Variants in DUSP4 observed in about 807,000 individuals in gnomAD.
The protein encoded by DUSP4 is dual specificity phosphatase 4.
DUSP4 carries 12 observed loss-of-function variants against 27.2 expected under a neutral mutation model. The ratio of observed to expected loss-of-function variants is 0.44; its 90% CI spans 0.28 to 0.71. The LOEUF (loss-of-function observed/expected upper bound fraction) is 0.71. Ranked by LOEUF, DUSP4 falls within the 30% of genes least tolerant of loss-of-function variation. DUSP4 has a pLI of 0.14. For synonymous variants in DUSP4, 257 were observed against 245.2 expected (o/e 1.05, Z -0.45); for missense variants, 448 against 551.3 (o/e 0.81, Z 1.88).
At position 29,338,603 on chromosome 8, in the gene DUSP4, A is replaced by G; in HGVS notation, c.580-102T>C. The G allele has an allele frequency of 3.8e-6, 5 of 1,333,090 alleles. No individual in the cohort carries two copies. The South Asian group carries it at 6.8e-5, about 18-fold the overall frequency. 82.6% of individuals were successfully genotyped at this position (1,333,090 alleles called of 1,614,324 possible). On this transcript the variant is annotated intron_variant, in intron 2 of 3. Transcript: ENST00000240100. ...GAGAAGAGCTTTCCTTTCCAAACCC[A>G]GGGAGAATGCCTGCTGGGCCTGGCC...
chr8:29,350,649 A>G lies in DUSP4; in HGVS notation c.-371T>C, dbSNP rs1324139787. On this transcript the variant is annotated 5_prime_UTR_variant, in exon 1 of 4. Transcript: ENST00000240100. ...CACTGGCGCCAGCGCTGCCCTGCCT[A>G]CGCTCCTCCGGCGCTCAGCGCACTG... 3 of 234,120 alleles carry G rather than the reference A, an allele frequency of 1.3e-5. No homozygotes were observed. In the South Asian group the frequency reaches 3.0e-4, roughly 24 times the overall value. 14.5% of individuals were successfully genotyped at this position (234,120 alleles called of 1,614,324 possible).
At chr8:29,349,313 A>T (rs985298765) in intron 1 of DUSP4, among the ~76,000 whole-genome samples, 1 of 152,228 alleles carries the variant, frequency 6.6e-6, no homozygotes, top group Non-Finnish European at 1.5e-5. Context: ...ATCGCTCTAC[A>T]CAGTGTGTGC....
chr8:29,346,233 C>T (rs1290732945), intron 1 of DUSP4, among the ~76,000 whole-genome samples: 3 of 152,094 alleles, frequency 2.0e-5, no homozygotes, highest in South Asian at 2.1e-4. Flanking sequence ...GGATGCTATC[C>T]GGTACTATAG....
chr8:29,338,972 A>C (rs1817617549), intron 2 of DUSP4, among the ~76,000 whole-genome samples: 1 of 152,226 alleles, frequency 6.6e-6, no homozygotes, highest in Non-Finnish European at 1.5e-5. Context: ...TGGCAGGATC[A>C]TGTGAGCCAG....
chr8:29,344,043 G>A (rs1460861859), intron 1 of DUSP4, among the ~76,000 whole-genome samples: 8 of 152,126 alleles, frequency 5.3e-5, no homozygotes, highest in African/African-American at 1.9e-4. Flanking sequence ...GCTCCTTCCC[G>A]TGCCCCTAGC....
rs781371386 is a variant in DUSP4 at position 29,340,261 on chromosome 8, G to A, written c.434-18C>T. 3 of 1,598,814 alleles carry A rather than the reference G, an allele frequency of 1.9e-6. No homozygotes were observed. The highest frequency in any genetic ancestry group is 2.6e-6 in the Non-Finnish European group (3 of 1,172,452). ...ATAGCCGCCTGTAAAGGAGAAAGAAGCTCAGGTTAATGGGGTCACTAAGCC... is the reference window on the plus strand; with the variant it reads ...ATAGCCGCCTGTAAAGGAGAAAGAAACTCAGGTTAATGGGGTCACTAAGCC... On this transcript the variant is annotated intron_variant, in intron 1 of 3. Transcript: ENST00000240100.
chr8:29,340,954 A>G (rs951658067), intron 1 of DUSP4, among the ~76,000 whole-genome samples: 3 of 152,130 alleles, frequency 2.0e-5, no homozygotes, highest in African/African-American at 7.2e-5. Flanking sequence ...ATGATGATAA[A>G]TGGCCAGCTG....
chr8:29,348,553 G>A (rs545089106), intron 1 of DUSP4: 26 of 985,560 alleles, frequency 2.6e-5, no homozygotes, highest in Admixed American at 2.5e-4. Flanking sequence ...CAGCTGACAG[G>A]TCAAATGGGC....
rs1305885486 is a variant in DUSP4, at chr8:29,336,836, T to C, written c.*190A>G. 3.9e-6 allele frequency: 3 copies of C among 777,758 alleles called. No homozygotes were observed. The highest frequency in any genetic ancestry group is 5.8e-6 in the Non-Finnish European group (3 of 518,068). The allele number at this position is 777,758 out of a possible 1,614,324, so 48.2% of individuals were successfully genotyped here. A position where few individuals can be genotyped will look rare whatever the true frequency, so the allele number is the denominator to read the frequency against. ...GTTATTGCTCTAAGTTGGAGTGTTC[T>C]GTTTGCTTTTATTATGTATTCGGAG... On this transcript the variant is annotated 3_prime_UTR_variant, in exon 4 of 4. Transcript: ENST00000240100.
chr8:29,340,362 T>G (rs1015911143), intron 1 of DUSP4, 119 bp from the exon 2 acceptor site: 4 of 1,300,354 alleles, frequency 3.1e-6, no homozygotes, highest in African/African-American at 3.0e-5. Context: ...GCGTGCTCCA[T>G]ATTGGCCACT....
Position 29,334,508 on chromosome 8 carries a change from T to C in DUSP4, c.*2518A>G, listed in dbSNP as rs950882695. On this transcript the variant is annotated 3_prime_UTR_variant, in exon 4 of 4. Coordinates refer to ENST00000240100, the MANE Select transcript of DUSP4 (RefSeq NM_001394.7). ...TGACATTGTGATAGAAGGCTTGAAT[T>C]CGGAGGAAAGATGTCGCTGGAGCTA... 1.3e-5 allele frequency: 2 copies of C among 152,264 alleles called. No homozygotes were observed. Among genetic ancestry groups the C allele is most frequent in the Non-Finnish European group, 2.9e-5 (2 of 68,056 alleles). 9.4% of individuals were successfully genotyped at this position (152,264 alleles called of 1,614,324 possible).
intron 3 of DUSP4, among the ~76,000 whole-genome samples, chr8:29,338,024 A>C (rs1369983183): frequency 6.6e-6 from 1 of 152,110 alleles, no homozygotes; most frequent in Non-Finnish European, 1.5e-5. Flanking sequence ...CCCGTCCAAA[A>C]ACTCTTACCA....
At chr8:29,345,736 A>C in intron 1 of DUSP4, 2 of 1,354,384 alleles carry the variant, frequency 1.5e-6, no homozygotes, top group Non-Finnish European at 1.9e-6. Context: ...GGAAGTTGTG[A>C]CGGTCTAAAG....
In DUSP4 at chr8:29,345,473, G is replaced by A. The variant is rs952054700; in HGVS notation, c.433+4373C>T. The A allele has an allele frequency of 1.9e-6, 3 of 1,612,666 alleles. No individual in the cohort carries two copies. In the African/African-American group the frequency reaches 4.0e-5, roughly 22 times the overall value. Reference sequence around the variant, plus strand: ...GTTTGCAGTCTCTCCCAGTCCTCCTGGGCGATCTGCTATGTTCAGCAAACT... The same window carrying A: ...GTTTGCAGTCTCTCCCAGTCCTCCTAGGCGATCTGCTATGTTCAGCAAACT... On this transcript the variant is annotated intron_variant, in intron 1 of 3. Coordinates refer to ENST00000240100, the MANE Select transcript of DUSP4 (RefSeq NM_001394.7).
Position 29,338,412 on chromosome 8 carries a change from C to T in DUSP4, c.669G>A (p.Thr223=), listed in dbSNP as rs758294644. 1.5e-5 allele frequency: 24 copies of T among 1,614,040 alleles called. No individual in the cohort carries two copies. The highest frequency in any genetic ancestry group is 1.4e-4 in the South Asian group (13 of 91,074). The change falls in exon 3 of 4, where the codon ACG becomes ACA. Residue 223 remains threonine (T), a synonymous_variant. Coordinates refer to ENST00000240100, the MANE Select transcript of DUSP4 (RefSeq NM_001394.7). ...AGTCCGAGGAGACATTCAACAGAGC[C>T]GTGATGCCCAGGGCGTCCAGCATGT... is the stretch of plus-strand genomic sequence containing the variant. ...RRDMLDALGI[T]ALLNVSSDCP...
chr8:29,337,490 G>GT lies in DUSP4; in HGVS notation c.800-80dup. On this transcript the variant is annotated intron_variant, in intron 3 of 3. Transcript: ENST00000240100. The surrounding 1 kb of genome is among the most constrained non-coding windows in gnomAD (Gnocchi z 6.4). Reference sequence around the variant, plus strand: ...CCAGGGGCACCGGCCAGCCCCTGGGGTCGGGGGGCTCTGAAGGAAGGACTA... The same window carrying GT: ...CCAGGGGCACCGGCCAGCCCCTGGGGTTCGGGGGGCTCTGAAGGAAGGACTA... 6.6e-7 allele frequency: 1 copy of GT among 1,506,290 alleles called. No individual in the cohort carries two copies. The allele number at this position is 1,506,290 out of a possible 1,614,324, so 93.3% of individuals were successfully genotyped here. A position where few individuals can be genotyped will look rare whatever the true frequency, so the allele number is the denominator to read the frequency against.
Position 29,336,978 on chromosome 8 carries a change from C to A in DUSP4, c.*48G>T. The A allele has an allele frequency of 6.6e-7, 1 of 1,516,484 alleles. No individual in the cohort carries two copies. The highest frequency in any genetic ancestry group is 8.8e-7 in the Non-Finnish European group (1 of 1,132,882). 93.9% of individuals were successfully genotyped at this position (1,516,484 alleles called of 1,614,324 possible). On this transcript the variant is annotated 3_prime_UTR_variant, in exon 4 of 4. Transcript: ENST00000240100. ...ACTTTCTGCCCGCATGCGGCCCGTC[C>A]TACCCTTGCTGGGAGCCAGCTCTGG...
rs571378105 is a variant in DUSP4 at position 29,335,309 on chromosome 8, G to C, written c.*1717C>G. 6.6e-6 allele frequency: 1 copy of C among 150,998 alleles called. No homozygotes were observed. Among genetic ancestry groups the C allele is most frequent in the South Asian group, 2.1e-4 (1 of 4,726 alleles). The allele number at this position is 150,998 out of a possible 1,614,324, so 9.4% of individuals were successfully genotyped here. A position where few individuals can be genotyped will look rare whatever the true frequency, so the allele number is the denominator to read the frequency against. ...TTCAAAATGGCACCCACGTGCCGACGATAGATTCAAAATGGCGCCTGCGTG... is the reference window on the plus strand; with the variant it reads ...TTCAAAATGGCACCCACGTGCCGACCATAGATTCAAAATGGCGCCTGCGTG... On this transcript the variant is annotated 3_prime_UTR_variant, in exon 4 of 4. Transcript: ENST00000240100.
At chr8:29,342,845 T>G (rs1370537613) in intron 1 of DUSP4, among the ~76,000 whole-genome samples, 1 of 152,142 alleles carries the variant, frequency 6.6e-6, no homozygotes, top group African/African-American at 2.4e-5. Context: ...GTCAGTTCCC[T>G]CTGAGGGAGT....
Sources: gnomAD v4.1 joint callset for allele counts (sites outside exome capture counted in the v4.1 genomes callset) on GRCh38, gnomAD v4.1.1 for gene constraint, Gnocchi (gnomAD v3.1) non-coding constraint, MANE v1.5 for transcripts, NCBI Gene and HGNC (gene_info 2026-07-23, HGNC 2026-07-21) for gene names.